Variants in RIMS1 observed in about 807,000 individuals in gnomAD.
RIMS1 encodes regulating synaptic membrane exocytosis protein 1.
Under a neutral mutation model 214.1 loss-of-function variants are expected in RIMS1, and 83 were observed. The ratio of observed to expected loss-of-function variants is 0.39; its 90% CI spans 0.32 to 0.47. RIMS1 has a LOEUF of 0.47. Among genes scored for constraint, RIMS1 ranks in the 20% least tolerant of loss-of-function variants. The pLI, the probability that RIMS1 is intolerant of heterozygous loss-of-function variation, is 0.99. For synonymous variants in RIMS1, 793 were observed against 786.8 expected (o/e 1.01, Z -0.13); for missense variants, 2,050 against 2,161.8 (o/e 0.95, Z 1.03).
intron 26 of RIMS1, among the ~76,000 whole-genome samples, chr6:72,305,015 A>G (rs764486466): frequency 1.4e-4 from 21 of 151,966 alleles, no homozygotes; most frequent in Non-Finnish European, 2.5e-4. Flanking sequence ...GAGTAAATAT[A>G]GTATAGTAAT....
At chr6:72,120,234 C>T (rs1189860101) in intron 4 of RIMS1, among the ~76,000 whole-genome samples, 1 of 151,938 alleles carries the variant, frequency 6.6e-6, no homozygotes, top group Non-Finnish European at 1.5e-5. Flanking sequence ...ACCACACTGT[C>T]TTCCACAATG....
chr6:72,140,093 G>A (rs1024594558), intron 4 of RIMS1, among the ~76,000 whole-genome samples: 3 of 152,092 alleles, frequency 2.0e-5, no homozygotes, highest in Non-Finnish European at 4.4e-5. Flanking sequence ...GTGGACGTCT[G>A]AGCTCTGACT....
At chr6:71,979,136 C>T (rs1228518915) in intron 2 of RIMS1, among the ~76,000 whole-genome samples, 2 of 151,962 alleles carry the variant, frequency 1.3e-5, no homozygotes, top group South Asian at 4.1e-4. Flanking sequence ...AGATGGTGCC[C>T]TCTTCAATTT....
intron 6 of RIMS1, among the ~76,000 whole-genome samples, chr6:72,220,163 GA>G (rs1376526531): frequency 2.0e-5 from 3 of 152,040 alleles, no homozygotes; most frequent in Non-Finnish European, 4.4e-5. Flanking sequence ...GCATACTGCT[GA>G]GGCTGAGGAC....
intron 26 of RIMS1, among the ~76,000 whole-genome samples, chr6:72,299,232 T>C (rs1268995176): frequency 1.3e-5 from 2 of 151,976 alleles, no homozygotes; most frequent in African/African-American, 4.8e-5. Flanking sequence ...CTTTAGATAC[T>C]ATTTTTTAAG....
At chr6:72,194,298 A>G (rs1415062449) in intron 6 of RIMS1, among the ~76,000 whole-genome samples, 1 of 141,316 alleles carries the variant, frequency 7.1e-6, no homozygotes, top group Non-Finnish European at 1.6e-5. Context: ...CTCATGGAAT[A>G]AAATTTAAAA....
chr6:72,317,178 T>G, intron 28 of RIMS1: 1 of 329,154 alleles, frequency 3.0e-6, no homozygotes, highest in Non-Finnish European at 5.9e-6. Flanking sequence ...CAGAGTCCCC[T>G]AGCAGGGACT....
Position 72,216,839 on chromosome 6 carries a change from G to A in RIMS1, c.1679-16934G>A, listed in dbSNP as rs903129728. The A allele has an allele frequency of 4.0e-6, 4 of 1,006,324 alleles. No homozygotes were observed. In the African/African-American group the frequency reaches 6.9e-5, roughly 17 times the overall value. 62.3% of individuals were successfully genotyped at this position (1,006,324 alleles called of 1,614,324 possible). On this transcript the variant is annotated intron_variant, in intron 6 of 33. Coordinates refer to ENST00000521978, the MANE Select transcript of RIMS1 (RefSeq NM_014989.7). ...GCTTCTGTGCATTGTTTTAGGAAAT[G>A]GTTAATTGAGGAGCTAAAAGAGCTT...
At chr6:72,176,708 A>G (rs1176554353) in intron 4 of RIMS1, among the ~76,000 whole-genome samples, 2 of 141,200 alleles carry the variant, frequency 1.4e-5, no homozygotes, top group Non-Finnish European at 3.0e-5. Flanking sequence ...GTTTGGAATT[A>G]TACAGTATTT....
chr6:71,889,586 G>T (rs1374781654), intron 1 of RIMS1, among the ~76,000 whole-genome samples: 1 of 152,118 alleles, frequency 6.6e-6, no homozygotes. Context: ...GAGTGTTTTG[G>T]AATCCCAGTT....
In RIMS1 at chr6:71,890,570, T is replaced by TAAAAAAA. The variant is rs3076604; in HGVS notation, c.164+3404_164+3410dup. ...AGATCTAGGATCTTACTCCTTTTTG[T>TAAAAAAA]AAAAAAAAAAAAAAAAAAAAAAAAA... is the stretch of plus-strand genomic sequence containing the variant. On this transcript the variant is annotated intron_variant, in intron 1 of 33. Coordinates refer to ENST00000521978, the MANE Select transcript of RIMS1 (RefSeq NM_014989.7). 9.2e-4 allele frequency among the ~76,000 whole-genome samples: 75 copies of TAAAAAAA among 81,500 alleles called. 4 individuals carry two copies. The highest frequency in any genetic ancestry group is 1.9e-3 in the South Asian group (5 of 2,658). 53.5% of individuals were successfully genotyped at this position (81,500 alleles called of 152,430 possible).
chr6:72,126,520 C>T (rs780301266), intron 4 of RIMS1, among the ~76,000 whole-genome samples: 1 of 151,782 alleles, frequency 6.6e-6, no homozygotes, highest in Non-Finnish European at 1.5e-5. Context: ...ACAAACTATG[C>T]ATTCAACAAA....
chr6:72,227,825 T>A (rs973665752), intron 6 of RIMS1, among the ~76,000 whole-genome samples: 3 of 151,982 alleles, frequency 2.0e-5, no homozygotes, highest in Non-Finnish European at 2.9e-5. Context: ...TGCATTTACA[T>A]GAATCAACTT....
chr6:72,389,409 AT>A (rs2098666683), intron 29 of RIMS1, among the ~76,000 whole-genome samples: 1 of 152,234 alleles, frequency 6.6e-6, no homozygotes, highest in South Asian at 2.1e-4. Flanking sequence ...TTTAATGAAC[AT>A]ACTAAATGTG....
intron 28 of RIMS1, among the ~76,000 whole-genome samples, chr6:72,321,838 C>T (rs2096186986): frequency 6.6e-6 from 1 of 152,064 alleles, no homozygotes; most frequent in African/African-American, 2.4e-5. Context: ...GACAGTATCA[C>T]TCCCAATGGG....
intron 29 of RIMS1, among the ~76,000 whole-genome samples, chr6:72,336,010 A>G (rs1055729507): frequency 6.6e-6 from 1 of 151,856 alleles, no homozygotes. Context: ...GTATTGAAGT[A>G]ATTCTTTACA....
intron 4 of RIMS1, among the ~76,000 whole-genome samples, chr6:72,103,761 A>G (rs571162158): frequency 2.8e-4 from 43 of 152,296 alleles, no homozygotes; most frequent in South Asian, 8.3e-4. Context: ...CTGCATAGCA[A>G]TAAATGGGGG....
intron 3 of RIMS1, among the ~76,000 whole-genome samples, chr6:72,098,289 C>CTTTTTTTTTT (rs58934201): frequency 7.0e-6 from 1 of 143,346 alleles, no homozygotes; most frequent in African/African-American, 2.6e-5. Flanking sequence ...ATCAATATAT[C>CTTTTTTTTTT]TTTTTTTTTT....
At chr6:72,133,344 T>C (rs1375363704) in intron 4 of RIMS1, among the ~76,000 whole-genome samples, 1 of 151,950 alleles carries the variant, frequency 6.6e-6, no homozygotes, top group Non-Finnish European at 1.5e-5. Context: ...TTCAAGTTTG[T>C]AGAATGCGTT....
Sources: gnomAD v4.1 joint callset for allele counts (sites outside exome capture counted in the v4.1 genomes callset) on GRCh38, gnomAD v4.1.1 for gene constraint, MANE v1.5 for transcripts, NCBI Gene and HGNC (gene_info 2026-07-23, HGNC 2026-07-21) for gene names.